The following KDM3B variants were observed in gnomAD, a reference collection of about 807,000 sequenced individuals.
The protein encoded by KDM3B is lysine-specific demethylase 3B.
KDM3B carries 10 observed loss-of-function variants against 170.0 expected under a neutral mutation model. The ratio of observed to expected loss-of-function variants is 0.06; its 90% CI spans 0.04 to 0.10. The LOEUF (loss-of-function observed/expected upper bound fraction) is 0.10, where lower values mean the gene tolerates loss of function less well. Among genes scored for constraint, KDM3B ranks in the 10% least tolerant of loss-of-function variants. KDM3B has a pLI of 1.00. For missense variants in KDM3B, 1,394 were observed against 2,195.2 expected (o/e 0.64, Z 7.29); for synonymous variants, 831 against 834.8 (o/e 1.00, Z 0.08).
chr5:138,386,760 C>T, intron 7 of KDM3B, 139 bp downstream of exon 7: 1 of 1,138,952 alleles, frequency 8.8e-7, no homozygotes. Context: ...TGTGGAAGGC[C>T]TTTACTGCTC....
At position 138,379,677 on chromosome 5, in the gene KDM3B, T is replaced by C; in HGVS notation, c.674T>C (p.Ile225Thr). The C allele has an allele frequency of 6.2e-7, 1 of 1,613,740 alleles. No individual in the cohort carries two copies. Among genetic ancestry groups the C allele is most frequent in the African/African-American group, 1.3e-5 (1 of 75,002 alleles). ...LYGVVSHQDS[I>T]TRLMEVSVTE... ...GGTGTTGTGAGCCATCAGGACTCCA[T>C]CACTCGTCTTATGGAGGTGTCTGTA... The change falls in exon 5 of 24, where the codon ATC becomes ACC. Residue 225 changes from isoleucine (I) to threonine (T), a missense_variant. Physicochemically the swap from Ile to Thr is moderately conservative, Grantham distance 89. Around this residue, in one of 19 missense-constraint regions of KDM3B, gnomAD observed 166 missense variants for 216.4 expected, o/e 0.77. Transcript: ENST00000314358.
intron 1 of KDM3B, among the ~76,000 whole-genome samples, chr5:138,354,187 C>T (rs1051806396): frequency 6.6e-6 from 1 of 151,988 alleles, no homozygotes; most frequent in Non-Finnish European, 1.5e-5. Context: ...TTGTGGATGG[C>T]TTAGGCTTTG....
chr5:138,362,719 T>C (rs1761644919), intron 1 of KDM3B, among the ~76,000 whole-genome samples: 1 of 148,732 alleles, frequency 6.7e-6, no homozygotes, highest in South Asian at 2.1e-4. Context: ...TTTTCTATAA[T>C]TTTATAGTAT....
At chr5:138,360,396 C>T (rs1348733609) in intron 1 of KDM3B, among the ~76,000 whole-genome samples, 2 of 151,698 alleles carry the variant, frequency 1.3e-5, no homozygotes, top group East Asian at 3.9e-4. Context: ...AATTGTGAGC[C>T]CGTCTAAGCA....
Position 138,391,894 on chromosome 5 carries a change from T to C in KDM3B, c.2262T>C (p.Pro754=). Residue 754 remains proline (P), a synonymous_variant, in exon 8 of 24, where the codon CCT becomes CCC. Transcript: ENST00000314358. This position sits in a 1 kb window ranked among gnomAD's most constrained non-coding sequence, Gnocchi z 5.0. ...CAGAGGAGAGGCCAACTGTGGGGCC[T>C]GGGCAGCAGGACAATCCCCTCCTCA... is the stretch of plus-strand genomic sequence containing the variant. ...SPTEERPTVG[P]GQQDNPLLKT... is the part of the protein sequence containing the mutation. 2 of 1,613,294 alleles carry C rather than the reference T, an allele frequency of 1.2e-6. No individual in the cohort carries two copies. Among genetic ancestry groups the C allele is most frequent in the Non-Finnish European group, 1.7e-6 (2 of 1,179,268 alleles).
intron 1 of KDM3B, among the ~76,000 whole-genome samples, chr5:138,371,526 C>T (rs1761875426): frequency 6.6e-6 from 1 of 151,250 alleles, no homozygotes; most frequent in Non-Finnish European, 1.5e-5. Context: ...TTAATGTAAT[C>T]TGCTTTCAGA....
chr5:138,409,170 GA>G (rs1211193300), intron 11 of KDM3B, among the ~76,000 whole-genome samples: 8 of 152,052 alleles, frequency 5.3e-5, no homozygotes, highest in African/African-American at 1.7e-4. Flanking sequence ...TATTTTACTG[GA>G]GTTAGTGGTC....
Position 138,422,924 on chromosome 5 carries a change from A to C in KDM3B, c.3973-1151A>C, listed in dbSNP as rs138884368. On this transcript the variant is annotated intron_variant, in intron 15 of 23. Transcript: ENST00000314358. ...CTGAGCCCTCTATACAATTTGGGTT[A>C]TTTGTTTCTCTTTTGGATAAGTAAC... is the stretch of plus-strand genomic sequence containing the variant. 3.4e-3 allele frequency among the ~76,000 whole-genome samples: 511 copies of C among 152,098 alleles called. 1 individual carries two copies. Among genetic ancestry groups the C allele is most frequent in the African/African-American group, 0.012 (491 of 41,492 alleles).
Position 138,391,469 on chromosome 5 carries a change from C to G in KDM3B, c.1837C>G (p.Arg613Gly). 6.2e-7 allele frequency: 1 copy of G among 1,614,148 alleles called. No individual in the cohort carries two copies. The highest frequency in any genetic ancestry group is 8.5e-7 in the Non-Finnish European group (1 of 1,180,036). Reference sequence around the variant, plus strand: ...CTTCCCACGGAGCCTCCTAAATGCCCGTACCCCAGAGAATCATGAAAATCT... The same window carrying G: ...CTTCCCACGGAGCCTCCTAAATGCCGGTACCCCAGAGAATCATGAAAATCT... ...PAFPRSLLNA[R>G]TPENHENLFL... Residue 613 changes from arginine to glycine, a missense_variant, in exon 8 of 24, where the codon CGT (arginine) becomes GGT (glycine). Physicochemically the swap from Arg to Gly is moderately radical, Grantham distance 125 (BLOSUM62 -2). This residue lies in a region of KDM3B where 294 missense variants were observed against 311.7 expected (regional missense o/e 0.94). Transcript: ENST00000314358. This position sits in a 1 kb window ranked among gnomAD's most constrained non-coding sequence, Gnocchi z 5.0.
chr5:138,408,284 A>C (rs1307201872), intron 11 of KDM3B, among the ~76,000 whole-genome samples: 1 of 151,744 alleles, frequency 6.6e-6, no homozygotes, highest in African/African-American at 2.4e-5. Flanking sequence ...ATCTGCCACC[A>C]ACTGGTCTGG....
chr5:138,419,767 A>AC (rs1491210602), intron 14 of KDM3B, among the ~76,000 whole-genome samples: 1 of 141,332 alleles, frequency 7.1e-6, no homozygotes, highest in African/African-American at 2.6e-5. Flanking sequence ...ACACACACAC[A>AC]TATATATGAG....
intron 11 of KDM3B, among the ~76,000 whole-genome samples, chr5:138,407,774 C>T (rs1394708170): frequency 6.6e-6 from 1 of 152,134 alleles, no homozygotes; most frequent in Non-Finnish European, 1.5e-5. Context: ...AGGAGGAGCC[C>T]TACCTGCTGT....
chr5:138,422,697 T>A (rs1406426010), intron 15 of KDM3B, among the ~76,000 whole-genome samples: 3 of 152,172 alleles, frequency 2.0e-5, no homozygotes, highest in Non-Finnish European at 4.4e-5. Context: ...CACCCTTGCC[T>A]CCCAACCACC....
Position 138,392,027 on chromosome 5 carries a change from C to T in KDM3B, c.2395C>T (p.Leu799=). The T allele has an allele frequency of 6.2e-7, 1 of 1,614,080 alleles. No homozygotes were observed. The highest frequency in any genetic ancestry group is 8.5e-7 in the Non-Finnish European group (1 of 1,179,906). ...APFEAVKRFS[L]DERSLACRQD... ...TTTTGAAGCTGTGAAAAGGTTCTCA[C>T]TGGATGAACGAAGCTTGGCTTGCAG... Residue 799 remains leucine (L), a synonymous_variant, in exon 8 of 24, where the codon CTG becomes TTG. Transcript: ENST00000314358.
chr5:138,433,962 A>G (rs1580966636), intron 23 of KDM3B, among the ~76,000 whole-genome samples: 2 of 151,164 alleles, frequency 1.3e-5, no homozygotes, highest in Admixed American at 1.3e-4. Flanking sequence ...CTGGTCTTGA[A>G]CTCCCGACCT....
chr5:138,386,578 T>A lies in KDM3B; in HGVS notation c.1337T>A (p.Val446Glu). The A allele has an allele frequency of 6.2e-7, 1 of 1,613,576 alleles. No homozygotes were observed. Among genetic ancestry groups the A allele is most frequent in the Non-Finnish European group, 8.5e-7 (1 of 1,179,544 alleles). The stretch of plus-strand genomic sequence containing the variant: ...GACACTGGCCTTGCAGCAGGGACTG[T>A]GCCAGAAAAACAGAAAGGCAGCCGG... ...ISDTGLAAGT[V>E]PEKQKGSRSQ... The change falls in exon 7 of 24, where the codon GTG becomes GAG. Residue 446 changes from valine to glutamate, a missense_variant. Physicochemically the swap from Val to Glu is moderately radical, Grantham distance 121. This residue lies in a region of KDM3B where 205 missense variants were observed against 227.6 expected (regional missense o/e 0.90). Transcript: ENST00000314358.
chr5:138,428,877 A>G (rs903834562), intron 20 of KDM3B, among the ~76,000 whole-genome samples: 1 of 152,078 alleles, frequency 6.6e-6, no homozygotes, highest in African/African-American at 2.4e-5. Context: ...GAAATTTCAG[A>G]AAAAGGGATA....
chr5:138,370,841 T>C (rs1276364014), intron 1 of KDM3B, among the ~76,000 whole-genome samples: 3 of 151,770 alleles, frequency 2.0e-5, no homozygotes, highest in African/African-American at 7.3e-5. Context: ...AGAGTTTTGC[T>C]CTTGTTGCCC....
At chr5:138,361,842 T>C (rs1424896820) in intron 1 of KDM3B, among the ~76,000 whole-genome samples, 1 of 152,220 alleles carries the variant, frequency 6.6e-6, no homozygotes, top group Non-Finnish European at 1.5e-5. Flanking sequence ...TACCACTTTT[T>C]GGAATATTTA....
Sources: allele counts gnomAD v4.1 joint callset (sites outside exome capture counted in the v4.1 genomes callset), GRCh38; gene constraint gnomAD v4.1.1; regional missense constraint gnomAD v4.1.1; non-coding constraint Gnocchi (gnomAD v3.1); transcripts MANE v1.5; gene names NCBI Gene and HGNC (gene_info 2026-07-23, HGNC 2026-07-21).